UGT8: variants seen among roughly 807,000 people sequenced by gnomAD.
UGT8 encodes the protein UDP glycosyltransferase 8.
UGT8 carries 12 observed loss-of-function variants against 40.5 expected under a neutral mutation model. That is an observed-to-expected ratio of 0.30 (90% CI 0.19 to 0.48). UGT8 has a LOEUF of 0.48. UGT8 is among the 20% of genes least tolerant of loss of function. UGT8 has a pLI of 0.99. For synonymous variants in UGT8, 224 were observed against 240.4 expected, an observed-to-expected ratio of 0.93 and a Z score of 0.63; for missense variants, 513 against 648.7, an observed-to-expected ratio of 0.79 and a Z score of 2.27.
chr4:114,620,642 T>G (rs1367118454), intron 1 of UGT8, among the ~76,000 whole-genome samples: 1 of 152,194 alleles, frequency 6.6e-6, no homozygotes, highest in Non-Finnish European at 1.5e-5. Context: ...TGTGCATTAC[T>G]TTTACTTATT....
chr4:114,659,545 T>C lies in UGT8; in HGVS notation c.823-4450T>C, dbSNP rs111324268. On this transcript the variant is annotated intron_variant, in intron 2 of 5. Transcript: ENST00000310836. ...TAGAAGTAGTCCGGGATTGGGCATG[T>C]AAGCAGGTTGAGCCCAGATGTCGCT... 8.6e-3 allele frequency among the ~76,000 whole-genome samples: 1,316 copies of C among 152,278 alleles called. 23 individuals carry two copies. Among genetic ancestry groups the C allele is most frequent in the African/African-American group, 0.03 (1,256 of 41,526 alleles).
At chr4:114,655,116 G>A (rs1193067670) in intron 2 of UGT8, among the ~76,000 whole-genome samples, 1 of 149,838 alleles carries the variant, frequency 6.7e-6, no homozygotes, top group African/African-American at 2.5e-5. Flanking sequence ...TTTAGATGCT[G>A]AAATTGATGG....
At chr4:114,601,829 G>GT (rs58806720) in intron 1 of UGT8, among the ~76,000 whole-genome samples, 7,762 of 140,382 alleles carry the variant, frequency 0.055, 368 homozygotes, top group African/African-American at 0.13. Context: ...TTCTTTTTAT[G>GT]TTTTTTTTTT....
At chr4:114,625,934 C>G (rs976798546) in intron 2 of UGT8, among the ~76,000 whole-genome samples, 2 of 151,942 alleles carry the variant, frequency 1.3e-5, no homozygotes, top group African/African-American at 4.8e-5. Flanking sequence ...TTTTGAAATG[C>G]GTTTTTTGTT....
At chr4:114,662,474 G>A (rs897225844) in intron 2 of UGT8, among the ~76,000 whole-genome samples, 1 of 152,106 alleles carries the variant, frequency 6.6e-6, no homozygotes, top group Non-Finnish European at 1.5e-5. Context: ...ATAAGTCAAG[G>A]ATTATCTGTA....
rs1560676380 is a variant in UGT8, at chr4:114,623,158, T to C, written c.278T>C (p.Ile93Thr). Residue 93 changes from isoleucine (I) to threonine (T), a missense_variant, in exon 2 of 6, where the codon ATT becomes ACT. Transcript: ENST00000310836. ...DAFLQSKMRN[I>T]FSGRLTAIEL... ...TTCCTACAGTCCAAGATGCGGAATA[T>C]TTTCTCTGGGAGATTGACAGCAATC... 1 of 1,614,122 alleles carries C rather than the reference T, an allele frequency of 6.2e-7. No individual in the cohort carries two copies.
chr4:114,663,088 G>T (rs1481633908), intron 2 of UGT8, among the ~76,000 whole-genome samples: 9 of 151,896 alleles, frequency 5.9e-5, no homozygotes, highest in Non-Finnish European at 1.3e-4. Flanking sequence ...CTCCCAAAGT[G>T]CTGGGATTAC....
intron 5 of UGT8, among the ~76,000 whole-genome samples, chr4:114,670,073 G>T (rs540354445): frequency 2.0e-5 from 3 of 152,182 alleles, no homozygotes; most frequent in African/African-American, 7.2e-5. Flanking sequence ...TATGAAGCCA[G>T]CATTATCCTG....
In UGT8 at chr4:114,677,192, T is replaced by G. The variant is rs904254035; in HGVS notation, c.*904T>G. ...TCTAGGGCATTTTTAAACAGCACCA[T>G]TGTATTGTTGAATGTTTATGTAACT... On this transcript the variant is annotated 3_prime_UTR_variant, in exon 6 of 6. Coordinates refer to ENST00000310836, the MANE Select transcript of UGT8 (RefSeq NM_001128174.3). 1.3e-5 allele frequency: 2 copies of G among 152,172 alleles called. No individual in the cohort carries two copies. The highest frequency in any genetic ancestry group is 2.9e-5 in the Non-Finnish European group (2 of 68,026). The allele number at this position is 152,172 out of a possible 1,614,324, so 9.4% of individuals were successfully genotyped here.
intron 2 of UGT8, among the ~76,000 whole-genome samples, chr4:114,635,557 G>A (rs1365181468): frequency 6.6e-6 from 1 of 152,022 alleles, no homozygotes; most frequent in African/African-American, 2.4e-5. Flanking sequence ...AGCTTTTTGT[G>A]ATAGAGAATT....
At chr4:114,670,782 C>T (rs1186466745) in intron 5 of UGT8, among the ~76,000 whole-genome samples, 1 of 152,110 alleles carries the variant, frequency 6.6e-6, no homozygotes, top group African/African-American at 2.4e-5. Context: ...TCTCACCACT[C>T]CTATTCAACA....
Position 114,626,452 on chromosome 4 carries a change from G to A in UGT8, c.822+2750G>A, listed in dbSNP as rs183027609. ...GATGTCTGTAAATGATTTTACAGTG[G>A]GACTGAATTTCACAACCTGGGATGA... On this transcript the variant is annotated intron_variant, in intron 2 of 5. Coordinates refer to ENST00000310836, the MANE Select transcript of UGT8 (RefSeq NM_001128174.3). Among the ~76,000 whole-genome samples, 475 of 152,188 alleles carry A rather than the reference G, an allele frequency of 3.1e-3. 3 individuals carry two copies. The highest frequency in any genetic ancestry group is 0.011 in the African/African-American group (444 of 41,512).
At chr4:114,607,949 G>A (rs910520549) in intron 1 of UGT8, among the ~76,000 whole-genome samples, 1 of 152,186 alleles carries the variant, frequency 6.6e-6, no homozygotes, top group African/African-American at 2.4e-5. Flanking sequence ...TGTCCTTACT[G>A]ACCCACTTGC....
chr4:114,643,083 G>A (rs1733328167), intron 2 of UGT8, among the ~76,000 whole-genome samples: 1 of 152,024 alleles, frequency 6.6e-6, no homozygotes, highest in African/African-American at 2.4e-5. Flanking sequence ...TGTAGGTGAA[G>A]GTCCAAGGTA....
intron 2 of UGT8, among the ~76,000 whole-genome samples, chr4:114,659,750 G>GT (rs1459527598): frequency 6.6e-6 from 1 of 152,124 alleles, no homozygotes; most frequent in African/African-American, 2.4e-5. Flanking sequence ...CCATTGATGA[G>GT]TTACCAAAAA....
chr4:114,672,727 G>T (rs1285245352), intron 5 of UGT8, among the ~76,000 whole-genome samples: 1 of 152,074 alleles, frequency 6.6e-6, no homozygotes, highest in African/African-American at 2.4e-5. Context: ...AAACCACCAT[G>T]GCACATGTAT....
chr4:114,603,340 T>C (rs948217818), intron 1 of UGT8, among the ~76,000 whole-genome samples: 4 of 152,038 alleles, frequency 2.6e-5, no homozygotes, highest in South Asian at 2.1e-4. Flanking sequence ...GGTAGATAAA[T>C]GGATAGACAC....
chr4:114,644,043 A>T (rs909985358), intron 2 of UGT8, among the ~76,000 whole-genome samples: 3 of 151,836 alleles, frequency 2.0e-5, no homozygotes, highest in Non-Finnish European at 4.4e-5. Context: ...TCTTCTCTGA[A>T]TCTAATCTAC....
At chr4:114,636,225 C>T (rs1435992613) in intron 2 of UGT8, among the ~76,000 whole-genome samples, 1 of 152,086 alleles carries the variant, frequency 6.6e-6, no homozygotes, top group Admixed American at 6.5e-5. Context: ...ACAATCAGTG[C>T]TTATGTTGAT....
Sources: allele counts gnomAD v4.1 joint callset (sites outside exome capture counted in the v4.1 genomes callset), GRCh38; gene constraint gnomAD v4.1.1; transcripts MANE v1.5; gene names NCBI Gene and HGNC (gene_info 2026-07-23, HGNC 2026-07-21).